The following NMU variants were observed in gnomAD, a reference collection of about 807,000 sequenced individuals.
NMU encodes the protein neuromedin U.
Under a neutral mutation model 35.4 loss-of-function variants are expected in NMU, and 29 were observed. The observed-to-expected ratio is 0.82, with a 90% confidence interval of 0.61 to 1.12. The LOEUF is 1.12. Among genes scored for constraint, NMU ranks in the 50% most tolerant of loss-of-function variants. NMU has a pLI of 0.00. For synonymous variants in NMU, 78 were observed against 81.3 expected (o/e 0.96, Z 0.22); for missense variants, 199 against 206.2 (o/e 0.97, Z 0.21).
intron 2 of NMU, among the ~76,000 whole-genome samples, chr4:55,619,058 G>A (rs1330512179): frequency 6.6e-6 from 1 of 151,802 alleles, no homozygotes; most frequent in African/African-American, 2.4e-5. Context: ...TTATAGAGAT[G>A]AGGTCTCACT....
At chr4:55,597,322 T>C (rs1733226013) in intron 9 of NMU, among the ~76,000 whole-genome samples, 1 of 151,818 alleles carries the variant, frequency 6.6e-6, no homozygotes, top group Non-Finnish European at 1.5e-5. Flanking sequence ...ATTGTGGGTA[T>C]AGTTTCTTTT....
intron 9 of NMU, among the ~76,000 whole-genome samples, chr4:55,596,576 T>C (rs954305903): frequency 1.3e-5 from 2 of 152,254 alleles, no homozygotes; most frequent in Non-Finnish European, 1.5e-5. Context: ...TCTTTGTTCC[T>C]TGAAAAAATA....
At position 55,630,429 on chromosome 4, in the gene NMU, A is replaced by T. The variant is rs1360267353; in HGVS notation, c.144T>A (p.Pro48=). 6.2e-7 allele frequency: 1 copy of T among 1,612,782 alleles called. No homozygotes were observed. Among genetic ancestry groups the T allele is most frequent in the South Asian group, 1.1e-5 (1 of 91,020 alleles). ...CATTCCACAACTGTAGCTGTTGTTC[A>T]GGCTGTAATCCTTGAGGTAATATTG... is the stretch of plus-strand genomic sequence containing the variant. The part of the protein sequence containing the change: ...GAPILPQGLQ[P]EQQLQLWNEI... Residue 48 remains proline, a synonymous_variant, in exon 2 of 10, where the codon CCT becomes CCA. Coordinates refer to ENST00000264218, the MANE Select transcript of NMU (RefSeq NM_006681.4).
At chr4:55,631,789 T>G (rs57941196) in intron 1 of NMU, among the ~76,000 whole-genome samples, 3,033 of 152,350 alleles carry the variant, frequency 0.02, 105 homozygotes, top group African/African-American at 0.069. Context: ...GATCTACAGT[T>G]TGATCCAGCA....
chr4:55,595,643 AT>A lies in NMU; in HGVS notation c.*5-233del, dbSNP rs1211166376. On this transcript the variant is annotated intron_variant, in intron 9 of 9. Transcript: ENST00000264218. ...TGTGTGTATATATATATATATATATATTTTTTTTTTTTTTTGAGACAGAGTC... is the reference window on the plus strand; with the variant it reads ...TGTGTGTATATATATATATATATATATTTTTTTTTTTTTTGAGACAGAGTC... 8.1e-3 allele frequency among the ~76,000 whole-genome samples: 535 copies of A among 66,370 alleles called. 1 individual carries two copies. The highest frequency in any genetic ancestry group is 0.034 in the East Asian group (59 of 1,732). The allele number at this position is 66,370 out of a possible 152,430, so 43.5% of individuals were successfully genotyped here. A position where few individuals can be genotyped will look rare whatever the true frequency, so the allele number is the denominator to read the frequency against.
intron 1 of NMU, among the ~76,000 whole-genome samples, chr4:55,631,116 G>C (rs1734736890): frequency 6.6e-6 from 1 of 152,074 alleles, no homozygotes; most frequent in African/African-American, 2.4e-5. Context: ...TAGGAAAACT[G>C]ACAAGCCACA....
chr4:55,606,819 A>T (rs1285316277), intron 6 of NMU, among the ~76,000 whole-genome samples: 1 of 151,750 alleles, frequency 6.6e-6, no homozygotes, highest in Non-Finnish European at 1.5e-5. Flanking sequence ...CTGAGACCAC[A>T]GGCGTGCCCC....
chr4:55,595,380 T>C lies in NMU; in HGVS notation c.*36A>G, dbSNP rs1733124341. ...AAATGTCAGTACATTTTGTATTCCA[T>C]AGCATTGCTCTGTGGAAAATTAGCT... On this transcript the variant is annotated 3_prime_UTR_variant, in exon 10 of 10. Coordinates refer to ENST00000264218, the MANE Select transcript of NMU (RefSeq NM_006681.4). The C allele has an allele frequency of 1.3e-5, 2 of 152,268 alleles. No individual in the cohort carries two copies. Among genetic ancestry groups the C allele is most frequent in the African/African-American group, 2.4e-5 (1 of 41,348 alleles). The allele number at this position is 152,268 out of a possible 1,614,324, so 9.4% of individuals were successfully genotyped here.
At chr4:55,603,702 G>A (rs1248734826) in intron 7 of NMU, among the ~76,000 whole-genome samples, 1 of 151,428 alleles carries the variant, frequency 6.6e-6, no homozygotes, top group Non-Finnish European at 1.5e-5. Context: ...CACGAGGTCA[G>A]GAGATCGAGA....
chr4:55,615,289 T>G (rs1181781536), intron 3 of NMU, among the ~76,000 whole-genome samples: 1 of 152,218 alleles, frequency 6.6e-6, no homozygotes, highest in Non-Finnish European at 1.5e-5. Flanking sequence ...AGGAAGAAAC[T>G]GGGCATGTTC....
chr4:55,626,183 G>C (rs1734521718), intron 2 of NMU, among the ~76,000 whole-genome samples: 1 of 152,164 alleles, frequency 6.6e-6, no homozygotes, highest in African/African-American at 2.4e-5. Context: ...TAGTCTAATA[G>C]GTAGAAAGTG....
chr4:55,628,762 A>G (rs948272126), intron 2 of NMU, among the ~76,000 whole-genome samples: 2 of 152,026 alleles, frequency 1.3e-5, no homozygotes, highest in African/African-American at 4.8e-5. Context: ...TGCTGGGATT[A>G]CAGGTGTGAG....
At chr4:55,612,478 G>C (rs768075543) in intron 3 of NMU, among the ~76,000 whole-genome samples, 39 of 152,126 alleles carry the variant, frequency 2.6e-4, no homozygotes, top group Non-Finnish European at 5.1e-4. Context: ...AATACCCAGT[G>C]ATGTCATGTG....
At chr4:55,618,688 TTCTTCTCTCTC>T (rs71192027) in intron 2 of NMU, among the ~76,000 whole-genome samples, 42,622 of 146,434 alleles carry the variant, frequency 0.29, 6,819 homozygotes, top group East Asian at 0.59. Flanking sequence ...TCTTCTCTCT[TTCTTCTCTCTC>T]TTCTTTCTTT....
chr4:55,626,240 A>C (rs541734116), intron 2 of NMU, among the ~76,000 whole-genome samples: 1 of 152,354 alleles, frequency 6.6e-6, no homozygotes, highest in South Asian at 2.1e-4. Flanking sequence ...ACTAATGAAC[A>C]TCTTTATATG....
At chr4:55,600,788 T>C (rs931698417) in intron 7 of NMU, among the ~76,000 whole-genome samples, 5 of 152,150 alleles carry the variant, frequency 3.3e-5, no homozygotes, top group African/African-American at 1.2e-4. Flanking sequence ...AATAATTTCC[T>C]TGTCAGTGTG....
intron 2 of NMU, 87 bp downstream of exon 2, chr4:55,630,315 T>C (rs1734704976): frequency 1.0e-6 from 1 of 977,600 alleles, no homozygotes; most frequent in Non-Finnish European, 1.6e-6. Flanking sequence ...AAATCATAGT[T>C]CTCCCAAAGC....
intron 3 of NMU, among the ~76,000 whole-genome samples, 167 bp downstream of exon 3, chr4:55,616,171 A>C (rs1734102979): frequency 6.6e-6 from 1 of 152,238 alleles, no homozygotes. Context: ...GCCCTAGCAC[A>C]TTACAACACA....
chr4:55,626,784 A>T (rs1050563125), intron 2 of NMU, among the ~76,000 whole-genome samples: 1 of 152,152 alleles, frequency 6.6e-6, no homozygotes, highest in Non-Finnish European at 1.5e-5. Flanking sequence ...TTGCTGAAAG[A>T]AGTTTTATTT....
Sources: allele counts gnomAD v4.1 joint callset (sites outside exome capture counted in the v4.1 genomes callset), GRCh38; gene constraint gnomAD v4.1.1; transcripts MANE v1.5; gene names NCBI Gene and HGNC (gene_info 2026-07-23, HGNC 2026-07-21).